EP400: variants seen among roughly 807,000 people sequenced by gnomAD.
EP400 encodes E1A binding protein p400.
Under a neutral mutation model 354.1 loss-of-function variants are expected in EP400, and 105 were observed. The ratio of observed to expected loss-of-function variants is 0.30; its 90% CI spans 0.25 to 0.35. The LOEUF is 0.35. EP400 is among the 10% of genes least tolerant of loss of function. The pLI is 1.00. For missense variants in EP400, 3,280 were observed against 4,121.0 expected (o/e 0.80, Z 5.59); for synonymous variants, 1,646 against 1,716.9 (o/e 0.96, Z 1.02).
intron 45 of EP400, among the ~76,000 whole-genome samples, chr12:132,061,067 A>C (rs1248809335): frequency 2.0e-5 from 3 of 152,246 alleles, no homozygotes; most frequent in Non-Finnish European, 4.4e-5. Flanking sequence ...CTCATGGATG[A>C]ACGCAGGAGC....
At position 132,025,894 on chromosome 12, in the gene EP400, C is replaced by A. The variant is rs1444856656; in HGVS notation, c.5014+90C>A. ...GTGGAAAGCATTCATGTGTCTTTGA[C>A]TGTATCTCAGAACAGCACAGTCTAG... On this transcript the variant is annotated intron_variant, in intron 25 of 52. Transcript: ENST00000389561. This position sits in a 1 kb window ranked among gnomAD's most constrained non-coding sequence, Gnocchi z 4.1. 4 of 1,415,294 alleles carry A rather than the reference C, an allele frequency of 2.8e-6. No individual in the cohort carries two copies. The highest frequency in any genetic ancestry group is 2.8e-6 in the Non-Finnish European group (3 of 1,075,142). The allele number at this position is 1,415,294 out of a possible 1,614,324, so 87.7% of individuals were successfully genotyped here.
intron 5 of EP400, among the ~76,000 whole-genome samples, chr12:131,984,469 C>A (rs562798709): frequency 1.2e-4 from 19 of 152,266 alleles, no homozygotes; most frequent in South Asian, 6.2e-4. Flanking sequence ...TGCAAGTCTG[C>A]AGGGAAGCCT....
rs769969041 is a variant in EP400, at chr12:132,028,189, C to A, written c.5282C>A (p.Ala1761Asp). The A allele has an allele frequency of 1.2e-6, 2 of 1,614,036 alleles. No homozygotes were observed. Among genetic ancestry groups the A allele is most frequent in the South Asian group, 1.1e-5 (1 of 91,078 alleles). ...CTGGATGGCCGTCGTGGGAAGGAGGCCGGGCCAGCGCACAGTTACACTTCA... is the reference window on the plus strand; with the variant it reads ...CTGGATGGCCGTCGTGGGAAGGAGGACGGGCCAGCGCACAGTTACACTTCA... ...GSLDGRRGKEAGPAHSYTSSS... is the reference protein window; with the variant it reads ...GSLDGRRGKEDGPAHSYTSSS... The change falls in exon 27 of 53, where the codon GCC becomes GAC. Residue 1761 changes from alanine to aspartate, a missense_variant. Physicochemically the swap from Ala to Asp is moderately radical, Grantham distance 126. Around this residue, in one of 20 missense-constraint regions of EP400, gnomAD observed 459 missense variants for 496.9 expected, o/e 0.92. Transcript: ENST00000389561.
At chr12:131,956,650 G>A (rs1394033943) in intron 1 of EP400, among the ~76,000 whole-genome samples, 2 of 152,008 alleles carry the variant, frequency 1.3e-5, no homozygotes, top group Non-Finnish European at 2.9e-5. Context: ...TTTGGGTTCT[G>A]AACCCATTTG....
chr12:131,969,464 C>A (rs1892215233), intron 2 of EP400, among the ~76,000 whole-genome samples: 1 of 152,108 alleles, frequency 6.6e-6, no homozygotes, highest in Non-Finnish European at 1.5e-5. Context: ...TGCCCAGCCC[C>A]CCTCCTGGTG....
Position 132,029,870 on chromosome 12 carries a change from T to G in EP400, c.5551T>G (p.Phe1851Val). Residue 1851 changes from phenylalanine to valine, a missense_variant, in exon 28 of 53, where the codon TTC becomes GTC. Around this residue, in one of 20 missense-constraint regions of EP400, gnomAD observed 459 missense variants for 496.9 expected, o/e 0.92. Coordinates refer to ENST00000389561, the MANE Select transcript of EP400 (RefSeq NM_015409.5). The surrounding 1 kb of genome is among the most constrained non-coding windows in gnomAD (Gnocchi z 4.7). Reference sequence around the variant, plus strand: ...GACCACGGCTCCACGCCTGCTGCAGTTCCCTGAGCTGAGGCTGGTGCAGTT... The same window carrying G: ...GACCACGGCTCCACGCCTGCTGCAGGTCCCTGAGCTGAGGCTGGTGCAGTT... ...RQTTAPRLLQ[F>V]PELRLVQFDS... 6.2e-7 allele frequency: 1 copy of G among 1,612,828 alleles called. No individual in the cohort carries two copies. The highest frequency in any genetic ancestry group is 8.5e-7 in the Non-Finnish European group (1 of 1,179,986).
intron 3 of EP400, among the ~76,000 whole-genome samples, chr12:131,980,446 C>T (rs1281899309): frequency 6.6e-6 from 1 of 152,198 alleles, no homozygotes; most frequent in Non-Finnish European, 1.5e-5. Flanking sequence ...CAGTCAGATC[C>T]TTGTCAGTGT....
At chr12:131,987,983 C>CTTT (rs778740521) in intron 7 of EP400, 93 bp downstream of exon 7, 604 of 268,196 alleles carry the variant, frequency 2.3e-3, no homozygotes, top group South Asian at 0.011. Flanking sequence ...TCCAGACCCA[C>CTTT]TTTTTTTTTT....
chr12:132,042,993 A>C (rs1470650622), intron 32 of EP400, among the ~76,000 whole-genome samples: 1 of 152,178 alleles, frequency 6.6e-6, no homozygotes, highest in Non-Finnish European at 1.5e-5. Context: ...TTGTTCTCCA[A>C]GCTTCCTTGG....
At chr12:132,043,227 T>C in intron 32 of EP400, 77 bp from the exon 33 acceptor site, 4 of 1,510,726 alleles carry the variant, frequency 2.6e-6, no homozygotes, top group Non-Finnish European at 3.6e-6. Flanking sequence ...CCATTAACTT[T>C]ACATGGGATA....
At chr12:132,051,178 GT>G (rs1385757835) in intron 41 of EP400, among the ~76,000 whole-genome samples, 3 of 152,218 alleles carry the variant, frequency 2.0e-5, no homozygotes, top group Non-Finnish European at 4.4e-5. Flanking sequence ...TGTCTGTAGC[GT>G]TTCTGACTGT....
At chr12:132,044,620 A>G (rs1299337787) in intron 35 of EP400, 51 bp from the exon 36 acceptor site, 1 of 1,610,244 alleles carries the variant, frequency 6.2e-7, no homozygotes, top group Non-Finnish European at 8.5e-7. Context: ...TGTGGCTTAT[A>G]ACATGACACT....
At chr12:131,987,958 A>C in intron 7 of EP400, 68 bp downstream of exon 7, 1 of 1,190,682 alleles carries the variant, frequency 8.4e-7, no homozygotes, top group Non-Finnish European at 1.1e-6. Context: ...CAGTGGTGTA[A>C]GTGGTGGGGA....
Position 132,079,038 on chromosome 12 carries a change from T to C in EP400, c.*1365T>C, listed in dbSNP as rs1406245124. On this transcript the variant is annotated 3_prime_UTR_variant, in exon 53 of 53. Coordinates refer to ENST00000389561, the MANE Select transcript of EP400 (RefSeq NM_015409.5). ...TTATTTGGTCCAGGAAATTAGGTTATATTAGGTTTTTTGTATACTAAAAAT... is the reference window on the plus strand; with the variant it reads ...TTATTTGGTCCAGGAAATTAGGTTACATTAGGTTTTTTGTATACTAAAAAT... 6.6e-6 allele frequency: 1 copy of C among 152,228 alleles called. No homozygotes were observed. Among genetic ancestry groups the C allele is most frequent in the Admixed American group, 6.5e-5 (1 of 15,280 alleles). The allele number at this position is 152,228 out of a possible 1,614,324, so 9.4% of individuals were successfully genotyped here. A position where few individuals can be genotyped will look rare whatever the true frequency, so the allele number is the denominator to read the frequency against.
intron 37 of EP400, 94 bp from the exon 38 acceptor site, chr12:132,045,225 C>T: frequency 6.5e-7 from 1 of 1,544,052 alleles, no homozygotes; most frequent in Non-Finnish European, 8.7e-7. Context: ...GCCCAGGCAC[C>T]TCCAGACTTG....
chr12:132,017,920 G>A lies in EP400; in HGVS notation c.4110+199G>A, dbSNP rs144202409. Among the ~76,000 whole-genome samples the A allele has an allele frequency of 3.5e-3, 535 of 152,308 alleles. 6 individuals are homozygous for A. Among genetic ancestry groups the A allele is most frequent in the South Asian group, 9.9e-3 (48 of 4,832 alleles). On this transcript the variant is annotated intron_variant, in intron 20 of 52. Transcript: ENST00000389561. This position sits in a 1 kb window ranked among gnomAD's most constrained non-coding sequence, Gnocchi z 5.0. ...GTGTTCCACCTCCGGAAATTTACCC[G>A]AGGGAGACAGGCTCACAGAGTGGAA...
chr12:132,016,392 G>C (rs1431981908), intron 19 of EP400, among the ~76,000 whole-genome samples: 1 of 151,972 alleles, frequency 6.6e-6, no homozygotes, highest in Non-Finnish European at 1.5e-5. Flanking sequence ...TCTTGAGATG[G>C]AGTCTCGCTC....
rs1253884822 is a variant in EP400 at position 132,006,726 on chromosome 12, G to A, written c.3153G>A (p.Leu1051=). Reference sequence around the variant, plus strand: ...TCAAGTTTAATGCTCCATCTTTGTTGTATGGGGCTCTCAGAGATTATCAGA... The same window carrying A: ...TCAAGTTTAATGCTCCATCTTTGTTATATGGGGCTCTCAGAGATTATCAGA... ...TSVKFNAPSL[L]YGALRDYQKI... The change falls in exon 15 of 53, where the codon TTG becomes TTA. Residue 1051 remains leucine (L), a synonymous_variant. Transcript: ENST00000389561. 22 of 1,609,138 alleles carry A rather than the reference G, an allele frequency of 1.4e-5. No individual in the cohort carries two copies. Among genetic ancestry groups the A allele is most frequent in the Non-Finnish European group, 1.7e-5 (20 of 1,178,460 alleles).
chr12:132,017,398 C>A lies in EP400; in HGVS notation c.3924-137C>A. 2 of 825,688 alleles carry A rather than the reference C, an allele frequency of 2.4e-6. No individual in the cohort carries two copies. Among genetic ancestry groups the A allele is most frequent in the Non-Finnish European group, 1.9e-6 (1 of 531,946 alleles). The allele number at this position is 825,688 out of a possible 1,614,324, so 51.1% of individuals were successfully genotyped here. A position where few individuals can be genotyped will look rare whatever the true frequency, so the allele number is the denominator to read the frequency against. On this transcript the variant is annotated intron_variant, in intron 19 of 52. Transcript: ENST00000389561. This position sits in a 1 kb window ranked among gnomAD's most constrained non-coding sequence, Gnocchi z 5.0. ...TGGGATGTGGACTTGAATGGCCACTCTGTCTAACTCATTAAGCGGACCTAG... is the reference window on the plus strand; with the variant it reads ...TGGGATGTGGACTTGAATGGCCACTATGTCTAACTCATTAAGCGGACCTAG...
Sources: gnomAD v4.1 joint callset for allele counts (sites outside exome capture counted in the v4.1 genomes callset) on GRCh38, gnomAD v4.1.1 for gene constraint, gnomAD v4.1.1 regional missense constraint, Gnocchi (gnomAD v3.1) non-coding constraint, MANE v1.5 for transcripts, NCBI Gene and HGNC (gene_info 2026-07-23, HGNC 2026-07-21) for gene names.